ADAM10: variants seen among roughly 807,000 people sequenced by gnomAD.
ADAM10 encodes ADAM metallopeptidase domain 10.
Under a neutral mutation model 90.1 loss-of-function variants are expected in ADAM10, and 17 were observed. The ratio of observed to expected loss-of-function variants is 0.19; its 90% CI spans 0.13 to 0.28. The LOEUF is 0.28. Ranked by LOEUF, ADAM10 falls within the 10% of genes least tolerant of loss-of-function variation. ADAM10 has a pLI of 1.00. For missense variants in ADAM10, 610 were observed against 914.3 expected (o/e 0.67, Z 4.29); for synonymous variants, 310 against 298.6 (o/e 1.04, Z -0.40).
At chr15:58,693,391 C>A (rs1245247760) in intron 2 of ADAM10, among the ~76,000 whole-genome samples, 2 of 152,026 alleles carry the variant, frequency 1.3e-5, no homozygotes, top group African/African-American at 4.8e-5. Context: ...GCTACAGTAA[C>A]CAAACAGTGG....
Position 58,730,916 on chromosome 15 carries a change from T to C in ADAM10, c.56-13189A>G, listed in dbSNP as rs534644831. Among the ~76,000 whole-genome samples, 11 of 152,342 alleles carry C rather than the reference T, an allele frequency of 7.2e-5. 1 individual carries two copies. The South Asian group carries it at 1.9e-3, about 26-fold the overall frequency. ...TTCAGCCTCAGACAGAGTTAAAATA[T>C]CAGCTTCCCTGGTTCCCAGACATTA... is the stretch of plus-strand genomic sequence containing the variant. On this transcript the variant is annotated intron_variant, in intron 1 of 15. Coordinates refer to ENST00000260408, the MANE Select transcript of ADAM10 (RefSeq NM_001110.4).
intron 2 of ADAM10, among the ~76,000 whole-genome samples, chr15:58,715,876 A>G (rs1256309636): frequency 6.6e-6 from 1 of 152,230 alleles, no homozygotes; most frequent in African/African-American, 2.4e-5. Context: ...AAAAGCAGCT[A>G]AAATCTTTTC....
intron 8 of ADAM10, among the ~76,000 whole-genome samples, chr15:58,638,069 C>A (rs1485077574): frequency 6.6e-6 from 1 of 152,166 alleles, no homozygotes; most frequent in Non-Finnish European, 1.5e-5. Flanking sequence ...GAACAAAGAT[C>A]CCTTTTCTTT....
At chr15:58,680,958 C>CAG (rs1897417441) in intron 3 of ADAM10, among the ~76,000 whole-genome samples, 1 of 152,106 alleles carries the variant, frequency 6.6e-6, no homozygotes, top group Admixed American at 6.5e-5. Flanking sequence ...ACTGAAACTA[C>CAG]AGGTGTGCCA....
intron 7 of ADAM10, among the ~76,000 whole-genome samples, chr15:58,642,338 G>A (rs896269614): frequency 1.3e-5 from 2 of 151,944 alleles, no homozygotes; most frequent in Non-Finnish European, 2.9e-5. Flanking sequence ...GACAGTGGAC[G>A]CCTGTAATCC....
chr15:58,691,011 T>A, intron 2 of ADAM10: 1 of 505,236 alleles, frequency 2.0e-6, no homozygotes, highest in South Asian at 1.7e-5. Context: ...GTGGTTGGGG[T>A]TGATCTCCAG....
intron 14 of ADAM10, among the ~76,000 whole-genome samples, chr15:58,600,068 CA>C (rs1895067597): frequency 6.6e-6 from 1 of 152,020 alleles, no homozygotes; most frequent in Non-Finnish European, 1.5e-5. Context: ...TGCATTTTCC[CA>C]TGTTATTAAA....
chr15:58,618,611 T>C (rs1001787618), intron 11 of ADAM10, among the ~76,000 whole-genome samples: 3 of 152,176 alleles, frequency 2.0e-5, no homozygotes, highest in African/African-American at 7.2e-5. Flanking sequence ...TTTCAAATTA[T>C]TCATCTGACT....
intron 2 of ADAM10, among the ~76,000 whole-genome samples, chr15:58,711,888 G>A (rs1324184728): frequency 2.0e-5 from 3 of 151,716 alleles, no homozygotes; most frequent in Non-Finnish European, 2.9e-5. Context: ...ACTTTGAAAC[G>A]GTGTTTCAGA....
chr15:58,608,383 C>T (rs549481922), intron 14 of ADAM10, among the ~76,000 whole-genome samples: 5 of 152,278 alleles, frequency 3.3e-5, no homozygotes, highest in Middle Eastern at 3.4e-3. Context: ...TGATAAATCC[C>T]GGTATGCAAG....
At chr15:58,715,608 G>A (rs921084192) in intron 2 of ADAM10, among the ~76,000 whole-genome samples, 2 of 152,052 alleles carry the variant, frequency 1.3e-5, no homozygotes, top group African/African-American at 2.4e-5. Context: ...CTGCTCCTAT[G>A]AGATCTATGT....
In ADAM10 at chr15:58,661,334, G is replaced by A. The variant is rs865789815; in HGVS notation, c.585+3763C>T. Reference sequence around the variant, plus strand: ...AACTTCCTTTAATGTTTCTTACAGTGTAGGTCACCTAGACACAAATTCTCT... The same window carrying A: ...AACTTCCTTTAATGTTTCTTACAGTATAGGTCACCTAGACACAAATTCTCT... On this transcript the variant is annotated intron_variant, in intron 5 of 15. Coordinates refer to ENST00000260408, the MANE Select transcript of ADAM10 (RefSeq NM_001110.4). Among the ~76,000 whole-genome samples, 5 of 152,202 alleles carry A rather than the reference G, an allele frequency of 3.3e-5. No homozygotes were observed. The Middle Eastern group carries it at 0.014, about 417-fold the overall frequency.
chr15:58,612,133 T>A, intron 11 of ADAM10, 142 bp from the exon 12 acceptor site: 1 of 871,920 alleles, frequency 1.1e-6, no homozygotes, highest in South Asian at 1.6e-5. Flanking sequence ...ATAAGTATGT[T>A]ACTGGTATAC....
intron 2 of ADAM10, among the ~76,000 whole-genome samples, chr15:58,710,221 T>C (rs1200679066): frequency 6.6e-6 from 1 of 152,086 alleles, no homozygotes; most frequent in Non-Finnish European, 1.5e-5. Flanking sequence ...AGAGGTTGCG[T>C]GAGCCAAGAT....
intron 2 of ADAM10, among the ~76,000 whole-genome samples, chr15:58,696,606 C>T (rs536854255): frequency 1.3e-5 from 2 of 152,034 alleles, no homozygotes; most frequent in Non-Finnish European, 2.9e-5. Context: ...GCTGGGATTA[C>T]AGGCATCTGC....
chr15:58,608,246 G>A lies in ADAM10; in HGVS notation c.2025+2051C>T, dbSNP rs888298060. The stretch of plus-strand genomic sequence containing the variant: ...CTGCCATAGTGTAACACAGAAAGAA[G>A]ACAAAACGCCACCAGGCACCACTGG... On this transcript the variant is annotated intron_variant, in intron 14 of 15. Transcript: ENST00000260408. Among the ~76,000 whole-genome samples the A allele has an allele frequency of 2.0e-5, 3 of 152,110 alleles. No individual in the cohort carries two copies. The East Asian group carries it at 5.8e-4, about 29-fold the overall frequency.
At position 58,592,182 on chromosome 15, in the gene ADAM10, T is replaced by C. The variant is rs1681846634; in HGVS notation, c.*5365A>G. The C allele has an allele frequency of 6.6e-6, 1 of 152,224 alleles. No homozygotes were observed. Among genetic ancestry groups the C allele is most frequent in the South Asian group, 2.1e-4 (1 of 4,832 alleles). The allele number at this position is 152,224 out of a possible 1,614,324, so 9.4% of individuals were successfully genotyped here. ...TCATAGGTGGTATATGTACTTCCAT[T>C]AGGAGGCACAAAATCTGATTGCTCT... is the stretch of plus-strand genomic sequence containing the variant. On this transcript the variant is annotated 3_prime_UTR_variant, in exon 16 of 16. Transcript: ENST00000260408.
At chr15:58,737,678 C>T (rs1899475725) in intron 1 of ADAM10, among the ~76,000 whole-genome samples, 1 of 152,164 alleles carries the variant, frequency 6.6e-6, no homozygotes, top group South Asian at 2.1e-4. Flanking sequence ...AAATGCCAGC[C>T]ATTGTGATTT....
intron 10 of ADAM10, among the ~76,000 whole-genome samples, chr15:58,623,506 C>T (rs544329426): frequency 7.9e-5 from 12 of 152,156 alleles, no homozygotes; most frequent in African/African-American, 2.9e-4. Flanking sequence ...CCATCTCTTT[C>T]GTTCTCAAAA....
Sources: allele counts gnomAD v4.1 joint callset (sites outside exome capture counted in the v4.1 genomes callset), GRCh38; gene constraint gnomAD v4.1.1; transcripts MANE v1.5; gene names NCBI Gene and HGNC (gene_info 2026-07-23, HGNC 2026-07-21).